ADAM32: variants seen among roughly 807,000 people sequenced by gnomAD.
The protein encoded by ADAM32 is disintegrin and metalloproteinase domain-containing protein 32.
A neutral mutation model predicts 114.9 loss-of-function variants in ADAM32; 89 were observed. The ratio of observed to expected loss-of-function variants is 0.77; its 90% confidence interval spans 0.65 to 0.92. ADAM32 has a LOEUF of 0.92. ADAM32 is among the 40% of genes least tolerant of loss of function. ADAM32 has a pLI of 0.00. For synonymous variants in ADAM32, 285 were observed against 307.5 expected (o/e 0.93, Z 0.77); for missense variants, 870 against 932.8 (o/e 0.93, Z 0.88).
At chr8:39,250,775 C>A (rs1160026808) in intron 17 of ADAM32, among the ~76,000 whole-genome samples, 2 of 151,840 alleles carry the variant, frequency 1.3e-5, no homozygotes, top group African/African-American at 2.4e-5. Flanking sequence ...GGTCTTACTT[C>A]TTCTTTCAAA....
chr8:39,222,843 T>C (rs1440674515), intron 13 of ADAM32, among the ~76,000 whole-genome samples, 197 bp from the exon 14 acceptor site: 3 of 152,160 alleles, frequency 2.0e-5, no homozygotes, highest in Non-Finnish European at 2.9e-5. Flanking sequence ...CTTGTACATA[T>C]GTCTTATCTC....
intron 10 of ADAM32, among the ~76,000 whole-genome samples, chr8:39,175,519 G>A (rs1337937426): frequency 2.0e-5 from 3 of 152,298 alleles, no homozygotes; most frequent in Non-Finnish European, 4.4e-5. Flanking sequence ...GCATCCTGGG[G>A]ACGAAGCCAA....
intron 2 of ADAM32, among the ~76,000 whole-genome samples, chr8:39,126,295 T>C (rs1344316643): frequency 6.6e-6 from 1 of 152,224 alleles, no homozygotes; most frequent in Non-Finnish European, 1.5e-5. Context: ...ATATTGATTC[T>C]TCCTATCCAT....
chr8:39,146,599 C>T (rs1198968627), intron 3 of ADAM32, among the ~76,000 whole-genome samples: 2 of 151,752 alleles, frequency 1.3e-5, no homozygotes, highest in African/African-American at 4.8e-5. Context: ...TTAGTAGAGA[C>T]GGGGTTTCAC....
In ADAM32 at chr8:39,234,000, G is replaced by A. The variant is rs768163907; in HGVS notation, c.1736G>A (p.Cys579Tyr). 18 of 1,566,736 alleles carry A rather than the reference G, an allele frequency of 1.1e-5. No individual in the cohort carries two copies. The highest frequency in any genetic ancestry group is 1.5e-5 in the Non-Finnish European group (17 of 1,153,838). ...VIYAFVRDSV[C>Y]ITVDYKLPRT... The stretch of plus-strand genomic sequence containing the variant: ...TATGCTTTCGTACGAGATTCTGTAT[G>A]CATAACTGTAGACTACAAATTGCCT... The change falls in exon 16 of 25, where the codon TGC becomes TAC. Residue 579 changes from cysteine to tyrosine, a missense_variant. By Grantham distance (194) the Cys-to-Tyr change is radical (BLOSUM62 -2). Coordinates refer to ENST00000379907, the MANE Select transcript of ADAM32 (RefSeq NM_145004.7).
rs1808198623 is a variant in ADAM32, at chr8:39,211,297, T to C, written c.1206T>C (p.Asn402=). The stretch of plus-strand genomic sequence containing the variant: ...GTGGCAATGGCAGATTGGAGGGAAA[T>C]GAAATCTGTGATTGTGGTACTGAGG... The part of the protein sequence containing the change: ...PVCGNGRLEG[N]EICDCGTEAQ... Residue 402 remains asparagine, a synonymous_variant, in exon 12 of 25, where the codon AAT becomes AAC. Transcript: ENST00000379907. 4 of 1,572,642 alleles carry C rather than the reference T, an allele frequency of 2.5e-6. No individual in the cohort carries two copies. Among genetic ancestry groups the C allele is most frequent in the Non-Finnish European group, 8.6e-7 (1 of 1,160,596 alleles).
intron 11 of ADAM32, among the ~76,000 whole-genome samples, chr8:39,191,740 G>A (rs555706918): frequency 6.6e-6 from 1 of 152,154 alleles, no homozygotes; most frequent in African/African-American, 2.4e-5. Context: ...CTGTGCAGAA[G>A]CTCTTTAGTT....
At chr8:39,200,701 G>A (rs1807339368) in intron 11 of ADAM32, among the ~76,000 whole-genome samples, 1 of 152,160 alleles carries the variant, frequency 6.6e-6, no homozygotes, top group Admixed American at 6.5e-5. Context: ...CCTTGCACAT[G>A]CCTATGTCCT....
intron 12 of ADAM32, among the ~76,000 whole-genome samples, chr8:39,219,710 C>T (rs1376003574): frequency 6.6e-6 from 1 of 152,192 alleles, no homozygotes; most frequent in Non-Finnish European, 1.5e-5. Flanking sequence ...TGAAGTCATT[C>T]AAGAGCAAGT....
chr8:39,215,281 C>T (rs2129448534), intron 12 of ADAM32, among the ~76,000 whole-genome samples: 1 of 151,822 alleles, frequency 6.6e-6, no homozygotes, highest in South Asian at 2.1e-4. Context: ...GTGGCTATTT[C>T]AACAATATTG....
intron 3 of ADAM32, among the ~76,000 whole-genome samples, chr8:39,143,555 T>C (rs1291645911): frequency 1.3e-5 from 2 of 152,138 alleles, no homozygotes; most frequent in Non-Finnish European, 2.9e-5. Flanking sequence ...GAACAGCCAA[T>C]ATTGATGCCT....
intron 14 of ADAM32, among the ~76,000 whole-genome samples, chr8:39,228,163 CA>C (rs1809515280): frequency 6.6e-6 from 1 of 152,188 alleles, no homozygotes; most frequent in African/African-American, 2.4e-5. Flanking sequence ...CCCCATGGGA[CA>C]AAAGAATCTG....
At chr8:39,247,972 G>T (rs779596525) in intron 17 of ADAM32, among the ~76,000 whole-genome samples, 1 of 151,384 alleles carries the variant, frequency 6.6e-6, no homozygotes, top group Non-Finnish European at 1.5e-5. Context: ...TATTGCTTTT[G>T]CTCCTTTGTC....
At chr8:39,153,318 C>T (rs1405215178) in intron 6 of ADAM32, among the ~76,000 whole-genome samples, 1 of 152,100 alleles carries the variant, frequency 6.6e-6, no homozygotes, top group Non-Finnish European at 1.5e-5. Flanking sequence ...ACTGAGATGA[C>T]CCAGTGTAGC....
At chr8:39,118,605 T>C (rs1212586335) in intron 2 of ADAM32, among the ~76,000 whole-genome samples, 1 of 152,186 alleles carries the variant, frequency 6.6e-6, no homozygotes, top group Non-Finnish European at 1.5e-5. Context: ...TTTTGTTCAT[T>C]GATTTATTTA....
intron 10 of ADAM32, among the ~76,000 whole-genome samples, chr8:39,179,971 G>A (rs1034136322): frequency 2.0e-5 from 3 of 152,198 alleles, no homozygotes; most frequent in Admixed American, 6.5e-5. Flanking sequence ...CAGAGCCCTC[G>A]CTTGCTCTCG....
At chr8:39,107,882 G>T (rs1431071124) in intron 1 of ADAM32, 49 bp downstream of exon 1, 2 of 1,481,082 alleles carry the variant, frequency 1.4e-6, no homozygotes, top group Non-Finnish European at 1.8e-6. Flanking sequence ...GTCACACTGC[G>T]GCCCGACTCC....
intron 2 of ADAM32, chr8:39,130,880 TAGC>T: frequency 2.2e-6 from 1 of 457,144 alleles, no homozygotes; most frequent in Non-Finnish European, 4.4e-6. Context: ...AGTAGTCAGT[TAGC>T]TTGTGTTGGC....
At chr8:39,150,083 T>C (rs1229372989) in intron 5 of ADAM32, among the ~76,000 whole-genome samples, 2 of 152,176 alleles carry the variant, frequency 1.3e-5, no homozygotes, top group African/African-American at 4.8e-5. Context: ...TTAGATTTCC[T>C]AGTCTCCTTG....
Sources: gnomAD v4.1 joint callset for allele counts (sites outside exome capture counted in the v4.1 genomes callset) on GRCh38, gnomAD v4.1.1 for gene constraint, MANE v1.5 for transcripts, NCBI Gene and HGNC (gene_info 2026-07-23, HGNC 2026-07-21) for gene names.